Variants in TFAP2A observed in about 807,000 individuals in gnomAD.
TFAP2A encodes transcription factor AP-2-alpha.
In TFAP2A, 7 loss-of-function variants were observed where a neutral mutation model predicts 41.5. The observed-to-expected ratio is 0.17, with a 90% CI of 0.10 to 0.32. The LOEUF is 0.32. TFAP2A is among the 10% of genes least tolerant of loss of function. TFAP2A has a pLI of 1.00. For synonymous variants in TFAP2A, 247 were observed against 242.8 expected, an observed-to-expected ratio of 1.02 and a Z score of -0.16; for missense variants, 416 against 563.3, an observed-to-expected ratio of 0.74 and a Z score of 2.65.
chr6:10,415,026 C>T lies in TFAP2A; in HGVS notation c.-35G>A, dbSNP rs753148250. On this transcript the variant is annotated 5_prime_UTR_variant, in exon 1 of 7. Coordinates refer to ENST00000379613, the MANE Select transcript of TFAP2A (RefSeq NM_001372066.1). Reference sequence around the variant, plus strand: ...TGAACGGATATGCCCCTCTCGGTCTCGCACCCAAGTGGAGCTACTCTCTGG... The same window carrying T: ...TGAACGGATATGCCCCTCTCGGTCTTGCACCCAAGTGGAGCTACTCTCTGG... The T allele has an allele frequency of 1.9e-6, 3 of 1,613,952 alleles. No individual in the cohort carries two copies. The highest frequency in any genetic ancestry group is 2.5e-6 in the Non-Finnish European group (3 of 1,180,034).
chr6:10,404,483 C>G lies in TFAP2A; in HGVS notation c.770+25G>C, dbSNP rs1027845240. ...TGGTTCCCCCGGCCGCGGGGCGGGG[C>G]GGGCGGGGCCGTGCCGGGCCTCACC... is the stretch of plus-strand genomic sequence containing the variant. On this transcript the variant is annotated intron_variant, in intron 4 of 6. Coordinates refer to ENST00000379613, the MANE Select transcript of TFAP2A (RefSeq NM_001372066.1). The G allele has an allele frequency of 2.7e-6, 4 of 1,482,548 alleles. No individual in the cohort carries two copies. The East Asian group carries it at 1.1e-4, about 41-fold the overall frequency. 91.8% of individuals were successfully genotyped at this position (1,482,548 alleles called of 1,614,324 possible).
chr6:10,413,474 C>G (rs1206488106), intron 1 of TFAP2A, among the ~76,000 whole-genome samples: 1 of 152,212 alleles, frequency 6.6e-6, no homozygotes, highest in Admixed American at 6.5e-5. Context: ...ATGCCCAAGC[C>G]TCCGGCCAAA....
At chr6:10,412,074 A>C in intron 1 of TFAP2A, 1 of 997,252 alleles carries the variant, frequency 1.0e-6, no homozygotes, top group Non-Finnish European at 1.2e-6. Flanking sequence ...TAAGGGAAGA[A>C]TGCCTGGAAA....
At chr6:10,415,259 T>C, upstream of TFAP2A, 1 of 1,434,984 alleles carries the variant, frequency 7.0e-7, no homozygotes, top group Non-Finnish European at 9.1e-7. Context: ...GATCTCCCTC[T>C]AATGGTAGAA....
chr6:10,404,482 G>C, intron 4 of TFAP2A, 26 bp downstream of exon 4: 3 of 1,483,164 alleles, frequency 2.0e-6, no homozygotes, highest in Non-Finnish European at 2.7e-6. Flanking sequence ...GCGGGGCGGG[G>C]CGGGCGGGGC....
Position 10,406,297 on chromosome 6 carries a change from G to T in TFAP2A, c.538+496C>A, listed in dbSNP as rs531817182. On this transcript the variant is annotated intron_variant, in intron 3 of 6. Coordinates refer to ENST00000379613, the MANE Select transcript of TFAP2A (RefSeq NM_001372066.1). ...AATTTTAACCAAAAGCTAAAATTTT[G>T]TTAACCTAATTCACAAAGTTCTAAG... 2.5e-3 allele frequency: 389 copies of T among 156,014 alleles called. 2 individuals carry two copies. Among genetic ancestry groups the T allele is most frequent in the Non-Finnish European group, 3.8e-3 (265 of 70,406 alleles). 9.7% of individuals were successfully genotyped at this position (156,014 alleles called of 1,614,324 possible).
chr6:10,409,072 A>G (rs927829248), intron 2 of TFAP2A: 1 of 152,254 alleles, frequency 6.6e-6, no homozygotes, highest in Admixed American at 6.5e-5. Flanking sequence ...AAGCAGAGGT[A>G]CTGGTTTAAG....
At chr6:10,400,832 C>T (rs765024507) in intron 5 of TFAP2A, 2 of 670,150 alleles carry the variant, frequency 3.0e-6, no homozygotes, top group South Asian at 1.5e-5. Flanking sequence ...ATCTCATCCA[C>T]CAACCTCCAG....
At chr6:10,416,729 C>T (rs1486741859), upstream of TFAP2A, among the ~76,000 whole-genome samples, 1 of 152,214 alleles carries the variant, frequency 6.6e-6, no homozygotes, top group East Asian at 1.9e-4. Flanking sequence ...GGAAGGAAGG[C>T]AGGAGCTGGG....
chr6:10,405,977 A>C (rs1480650962), intron 3 of TFAP2A: 1 of 152,216 alleles, frequency 6.6e-6, no homozygotes, highest in Non-Finnish European at 1.5e-5. Context: ...CAAAGACTTC[A>C]CAGATGCAAA....
chr6:10,414,858 G>A, intron 1 of TFAP2A, 83 bp downstream of exon 1: 4 of 1,582,812 alleles, frequency 2.5e-6, no homozygotes, highest in Non-Finnish European at 3.5e-6. Flanking sequence ...TTTCGCAGCT[G>A]GTTGCAAGGA....
intron 5 of TFAP2A, 148 bp downstream of exon 5, chr6:10,402,344 A>G: frequency 1.3e-6 from 1 of 754,992 alleles, no homozygotes; most frequent in Non-Finnish European, 2.5e-6. Flanking sequence ...TCTTTTTGCC[A>G]TGAAATAATT....
chr6:10,411,204 G>A (rs1757953495), intron 1 of TFAP2A, among the ~76,000 whole-genome samples: 1 of 152,126 alleles, frequency 6.6e-6, no homozygotes, highest in African/African-American at 2.4e-5. Flanking sequence ...GAGGGTAGGG[G>A]GCACACCGCG....
Position 10,415,009 on chromosome 6 carries a change from TA to T in TFAP2A, c.-19del. On this transcript the variant is annotated 5_prime_UTR_variant, in exon 1 of 7. Transcript: ENST00000379613. ...ATTTTCATGGATCGGCGTGAACGGA[TA>T]TGCCCCTCTCGGTCTCGCACCCAAG... 1.2e-6 allele frequency: 2 copies of T among 1,614,062 alleles called. No homozygotes were observed. Among genetic ancestry groups the T allele is most frequent in the Non-Finnish European group, 1.7e-6 (2 of 1,180,026 alleles).
At chr6:10,412,483 AAGGG>A (rs1185857809) in intron 1 of TFAP2A, 12 of 97,406 alleles carry the variant, frequency 1.2e-4, no homozygotes, top group South Asian at 4.5e-4. Context: ...GGGAGGGAGG[AAGGG>A]AGGGAGGGAG....
Position 10,398,529 on chromosome 6 carries a change from T to C in TFAP2A, c.1208A>G (p.Tyr403Cys), listed in dbSNP as rs1248028062. ...CATGGCCTTGAGGGCCTCGGTGAGATAGTTCTGCAGGGCCGTGACCGCGGC... is the reference window on the plus strand; with the variant it reads ...CATGGCCTTGAGGGCCTCGGTGAGACAGTTCTGCAGGGCCGTGACCGCGGC... ...VCAAVTALQNYLTEALKAMDK... is the reference protein window; with the variant it reads ...VCAAVTALQNCLTEALKAMDK... The change falls in exon 7 of 7, where the codon TAT becomes TGT. Residue 403 changes from tyrosine to cysteine, a missense_variant. This residue lies in a region of TFAP2A where 116 missense variants were observed against 153.8 expected (regional missense o/e 0.75). Coordinates refer to ENST00000379613, the MANE Select transcript of TFAP2A (RefSeq NM_001372066.1). This position sits in a 1 kb window ranked among gnomAD's most constrained non-coding sequence, Gnocchi z 5.3. 2 of 1,614,208 alleles carry C rather than the reference T, an allele frequency of 1.2e-6. No homozygotes were observed. Among genetic ancestry groups the C allele is most frequent in the Non-Finnish European group, 1.7e-6 (2 of 1,180,030 alleles).
upstream of TFAP2A, chr6:10,415,362 G>T: frequency 1.9e-6 from 2 of 1,043,806 alleles, no homozygotes; most frequent in Non-Finnish European, 2.5e-6. Flanking sequence ...ACAATCTGCC[G>T]CCGGCCGCTC....
chr6:10,413,337 T>A (rs1758085895), intron 1 of TFAP2A, among the ~76,000 whole-genome samples: 1 of 151,966 alleles, frequency 6.6e-6, no homozygotes, highest in African/African-American at 2.4e-5. Flanking sequence ...CCTCTAGGGG[T>A]GCAAGTTCAT....
intron 6 of TFAP2A, 72 bp downstream of exon 6, chr6:10,400,376 A>G: frequency 3.1e-6 from 5 of 1,599,726 alleles, no homozygotes; most frequent in Non-Finnish European, 4.3e-6. Flanking sequence ...GAGAAGGAAG[A>G]GCAAAAACGA....
Sources: gnomAD v4.1 joint callset for allele counts (sites outside exome capture counted in the v4.1 genomes callset) on GRCh38, gnomAD v4.1.1 for gene constraint, gnomAD v4.1.1 regional missense constraint, Gnocchi (gnomAD v3.1) non-coding constraint, MANE v1.5 for transcripts, NCBI Gene and HGNC (gene_info 2026-07-23, HGNC 2026-07-21) for gene names.